The following C4orf51 variants were observed in gnomAD, a reference collection of about 807,000 sequenced individuals.
C4orf51 encodes uncharacterized protein C4orf51.
In C4orf51, 25 loss-of-function variants were observed where a neutral mutation model predicts 25.2. The ratio of observed to expected loss-of-function variants is 0.99; its 90% CI spans 0.72 to 1.39. C4orf51 has a LOEUF of 1.39. C4orf51 is among the 40% of genes most tolerant of loss of function. The pLI is 0.00. For synonymous variants in C4orf51, 100 were observed against 84.5 expected, an observed-to-expected ratio of 1.18 and a Z score of -1.01; for missense variants, 252 against 239.6, an observed-to-expected ratio of 1.05 and a Z score of -0.34.
In C4orf51 at chr4:145,765,708, T is replaced by C. The variant is rs973967709; in HGVS notation, n.167-5280T>C. The C allele has an allele frequency of 6.2e-7, 1 of 1,614,122 alleles. No individual in the cohort carries two copies. The highest frequency in any genetic ancestry group is 8.5e-7 in the Non-Finnish European group (1 of 1,179,994). On this transcript the variant is annotated intron_variant and non_coding_transcript_variant, in intron 1 of 1. Coordinates refer to the C4orf51 transcript ENST00000510096. The surrounding 1 kb of genome is among the most constrained non-coding windows in gnomAD (Gnocchi z 4.7). ...TGAGAGGGAGGATGAAGAGGGGCTA[T>C]TTGATTCGCTGGGGGTCTTCCTGTC...
At chr4:145,704,726 A>G (rs1162496321) in intron 2 of C4orf51, among the ~76,000 whole-genome samples, 1 of 152,226 alleles carries the variant, frequency 6.6e-6, no homozygotes, top group African/African-American at 2.4e-5. Flanking sequence ...TGGCAAATCC[A>G]TACAGGTCTG....
chr4:145,790,305 T>C, the C4orf51 span, among the ~76,000 whole-genome samples: 1 of 152,290 alleles, frequency 6.6e-6, no homozygotes, highest in South Asian at 2.1e-4. Context: ...TTTCAATATA[T>C]ATTAATACTT....
chr4:145,778,461 T>C, the C4orf51 span, among the ~76,000 whole-genome samples: 2 of 152,228 alleles, frequency 1.3e-5, no homozygotes, highest in East Asian at 3.9e-4. Context: ...TTAAAAAAGT[T>C]AGCTGGGCAT....
chr4:145,704,208 T>C (rs1730650041), intron 2 of C4orf51, among the ~76,000 whole-genome samples: 1 of 152,230 alleles, frequency 6.6e-6, no homozygotes, highest in Admixed American at 6.5e-5. Flanking sequence ...TTCAGATTTT[T>C]AAAGGTGTCA....
At chr4:145,792,011 C>T in the C4orf51 span, among the ~76,000 whole-genome samples, 1 of 152,158 alleles carries the variant, frequency 6.6e-6, no homozygotes, top group Non-Finnish European at 1.5e-5. Context: ...TTCCTCTTTG[C>T]AAAAACCTCT....
At chr4:145,717,720 C>T (rs937540139) in intron 2 of C4orf51, among the ~76,000 whole-genome samples, 1 of 152,186 alleles carries the variant, frequency 6.6e-6, no homozygotes, top group Non-Finnish European at 1.5e-5. Context: ...TCACATCTGC[C>T]TTTCAAAGAG....
At position 145,762,073 on chromosome 4, in the gene C4orf51, A is replaced by T. The variant is rs1181578251; in HGVS notation, n.167-8915A>T. On this transcript the variant is annotated intron_variant and non_coding_transcript_variant, in intron 1 of 1. Transcript: ENST00000510096. This position sits in a 1 kb window ranked among gnomAD's most constrained non-coding sequence, Gnocchi z 4.9. ...CACGCAGAAAGGCTAAGAGGTTTTA[A>T]AGAACAGCTTATAGGGGGAGCGCTA... 6.6e-6 allele frequency among the ~76,000 whole-genome samples: 1 copy of T among 152,194 alleles called. No homozygotes were observed. The highest frequency in any genetic ancestry group is 1.5e-5 in the Non-Finnish European group (1 of 68,030).
At chr4:145,733,998 G>GT (rs1190449257), downstream of C4orf51, among the ~76,000 whole-genome samples, 1 of 152,160 alleles carries the variant, frequency 6.6e-6, no homozygotes, top group African/African-American at 2.4e-5. Context: ...TTCATCATTT[G>GT]TTTTTTACTA....
At chr4:145,791,370 C>G in the C4orf51 span, among the ~76,000 whole-genome samples, 1 of 152,182 alleles carries the variant, frequency 6.6e-6, no homozygotes, top group Non-Finnish European at 1.5e-5. Context: ...GCTCCATCTT[C>G]TACATAGCAT....
intron 2 of C4orf51, among the ~76,000 whole-genome samples, chr4:145,720,807 ACAGG>A (rs1731695431): frequency 6.6e-6 from 1 of 152,144 alleles, no homozygotes; most frequent in Non-Finnish European, 1.5e-5. Flanking sequence ...CAGGGGTCAG[ACAGG>A]CAGGCTGCTC....
chr4:145,714,828 G>T (rs1261281672), intron 2 of C4orf51, among the ~76,000 whole-genome samples: 1 of 152,192 alleles, frequency 6.6e-6, no homozygotes, highest in Non-Finnish European at 1.5e-5. Flanking sequence ...AGTCAGCTCA[G>T]CTGGGTATTT....
chr4:145,774,597 C>T, downstream of C4orf51: 1 of 1,613,742 alleles, frequency 6.2e-7, no homozygotes. Context: ...ACATCCACTG[C>T]TCCTTGTCCA....
chr4:145,731,614 T>A, intron 5 of C4orf51, among the ~76,000 whole-genome samples: 1 of 133,646 alleles, frequency 7.5e-6, no homozygotes. Flanking sequence ...GGAGTTTCAC[T>A]CTTGTTGCCC....
chr4:145,789,793 C>T, the C4orf51 span, among the ~76,000 whole-genome samples: 1 of 152,138 alleles, frequency 6.6e-6, no homozygotes, highest in African/African-American at 2.4e-5. Flanking sequence ...TGTAAATTCA[C>T]CAACCATAAA....
intron 2 of C4orf51, among the ~76,000 whole-genome samples, chr4:145,711,774 TG>T (rs1218950172): frequency 3.9e-5 from 6 of 152,230 alleles, no homozygotes; most frequent in Admixed American, 1.3e-4. Flanking sequence ...TAAATTTTAT[TG>T]TGCTTGCTTA....
intron 2 of C4orf51, among the ~76,000 whole-genome samples, chr4:145,698,913 A>G (rs1387297456): frequency 6.6e-6 from 1 of 152,172 alleles, no homozygotes. Context: ...AAGAATCACA[A>G]AAGAAGTGAA....
At chr4:145,735,389 G>C (rs930991960), downstream of C4orf51, among the ~76,000 whole-genome samples, 1 of 152,204 alleles carries the variant, frequency 6.6e-6, no homozygotes, top group African/African-American at 2.4e-5. Context: ...TTTCAAATGA[G>C]CATAGTAATG....
At chr4:145,686,648 A>G (rs1277861672) in intron 1 of C4orf51, among the ~76,000 whole-genome samples, 1 of 152,218 alleles carries the variant, frequency 6.6e-6, no homozygotes. Context: ...GGAAAACTAA[A>G]AAACCCTGGA....
At position 145,729,987 on chromosome 4, in the gene C4orf51, A is replaced by G. The variant is rs116550581; in HGVS notation, c.501+22A>G. The G allele has an allele frequency of 1.0e-3, 1,608 of 1,606,318 alleles. 13 individuals carry two copies. The African/African-American group carries it at 0.016, about 16-fold the overall frequency. On this transcript the variant is annotated intron_variant, in intron 5 of 5. Coordinates refer to ENST00000438731, the MANE Select transcript of C4orf51 (RefSeq NM_001080531.3). ...GCATGTAAGAATCTTTTTACTTGCCATGCAACAGTGGATCTGTGGGGTAGT... is the reference window on the plus strand; with the variant it reads ...GCATGTAAGAATCTTTTTACTTGCCGTGCAACAGTGGATCTGTGGGGTAGT...
Sources: gnomAD v4.1 joint callset for allele counts (sites outside exome capture counted in the v4.1 genomes callset) on GRCh38, gnomAD v4.1.1 for gene constraint, Gnocchi (gnomAD v3.1) non-coding constraint, MANE v1.5 for transcripts, NCBI Gene and HGNC (gene_info 2026-07-23, HGNC 2026-07-21) for gene names.